The following SERGEF variants were observed in gnomAD, a reference collection of about 807,000 sequenced individuals.
SERGEF encodes the protein secretion regulating guanine nucleotide exchange factor.
In SERGEF, 51 loss-of-function variants were observed where a neutral mutation model predicts 50.0. The ratio of observed to expected loss-of-function variants is 1.02; its 90% CI spans 0.81 to 1.29. The LOEUF (loss-of-function observed/expected upper bound fraction) is 1.29, where lower values mean the gene tolerates loss of function less well. SERGEF is among the 50% of genes most tolerant of loss of function. SERGEF has a pLI of 0.00. For synonymous variants in SERGEF, 205 were observed against 212.4 expected, an observed-to-expected ratio of 0.97 and a Z score of 0.30; for missense variants, 521 against 557.0, an observed-to-expected ratio of 0.94 and a Z score of 0.65.
chr11:17,830,201 A>G lies in SERGEF; in HGVS notation c.1049-41788T>C, dbSNP rs150497161. 7.0e-3 allele frequency among the ~76,000 whole-genome samples: 1,068 copies of G among 152,342 alleles called. 11 individuals are homozygous for G. The highest frequency in any genetic ancestry group is 0.025 in the African/African-American group (1,027 of 41,582). On this transcript the variant is annotated intron_variant, in intron 10 of 10. Coordinates refer to ENST00000265965, the MANE Select transcript of SERGEF (RefSeq NM_012139.4). ...CCCTTAAGGTCAAGGACCACATCCT[A>G]TTTATATTCTCAGCCTGGCATAGTG...
intron 8 of SERGEF, among the ~76,000 whole-genome samples, chr11:17,984,456 A>G (rs1001545673): frequency 2.0e-5 from 3 of 152,222 alleles, no homozygotes; most frequent in African/African-American, 7.2e-5. Flanking sequence ...GACAGTACCA[A>G]GAAGAATGGT....
intron 1 of SERGEF, among the ~76,000 whole-genome samples, chr11:18,011,434 G>C (rs372093650): frequency 4.6e-5 from 7 of 152,170 alleles, no homozygotes; most frequent in East Asian, 1.9e-4. Flanking sequence ...GTGAGAAGGC[G>C]GCCATCTGCA....
intron 8 of SERGEF, among the ~76,000 whole-genome samples, chr11:17,981,605 T>A (rs1408560787): frequency 6.6e-6 from 1 of 152,186 alleles, no homozygotes; most frequent in Non-Finnish European, 1.5e-5. Context: ...GAAAGTACTT[T>A]ATAGTAATAA....
chr11:17,823,601 C>T (rs112828441), intron 10 of SERGEF, among the ~76,000 whole-genome samples: 39 of 152,156 alleles, frequency 2.6e-4, no homozygotes, highest in African/African-American at 8.7e-4. Flanking sequence ...GAAGAGAAGG[C>T]GGGGAGGGTG....
chr11:17,916,717 A>T (rs76751030), intron 9 of SERGEF, among the ~76,000 whole-genome samples: 1 of 152,242 alleles, frequency 6.6e-6, no homozygotes, highest in Non-Finnish European at 1.5e-5. Context: ...ATAATTAATA[A>T]GACATTCCAA....
chr11:17,871,980 C>T (rs1246153366), intron 10 of SERGEF, among the ~76,000 whole-genome samples: 4 of 152,234 alleles, frequency 2.6e-5, no homozygotes, highest in South Asian at 4.1e-4. Context: ...TAAGAATGTA[C>T]GTAGCATCCC....
At position 17,838,267 on chromosome 11, in the gene SERGEF, GTGCAGCATGCCAGGGAAGGA is replaced by G. The variant is rs575251201; in HGVS notation, c.1048+39921_1048+39940del. Among the ~76,000 whole-genome samples the G allele has an allele frequency of 9.2e-5, 14 of 152,340 alleles. 1 individual carries two copies. The South Asian group carries it at 2.7e-3, about 29-fold the overall frequency. ...CACAGCCCTGGGGCAAATGTCAGGG[GTGCAGCATGCCAGGGAAGGA>G]TGATGTTTCCTGAACTGGCATAAAA... is the stretch of plus-strand genomic sequence containing the variant. On this transcript the variant is annotated intron_variant, in intron 10 of 10. Transcript: ENST00000265965.
chr11:17,944,550 A>G (rs141814709), intron 9 of SERGEF, among the ~76,000 whole-genome samples: 333 of 152,324 alleles, frequency 2.2e-3, no homozygotes, highest in Middle Eastern at 0.01. Flanking sequence ...ACACTTGTGA[A>G]GAATGTGCCT....
intron 9 of SERGEF, among the ~76,000 whole-genome samples, chr11:17,901,388 A>C (rs944527540): frequency 6.6e-6 from 1 of 152,190 alleles, no homozygotes; most frequent in African/African-American, 2.4e-5. Context: ...AAACCTGCTA[A>C]TGGCTCCCCT....
chr11:17,824,024 G>A (rs1056777615), intron 10 of SERGEF, among the ~76,000 whole-genome samples: 4 of 152,082 alleles, frequency 2.6e-5, no homozygotes, highest in Admixed American at 6.5e-5. Context: ...CTTTTTGGCC[G>A]GGCGCGGTGG....
chr11:18,004,492 C>G lies in SERGEF; in HGVS notation c.396G>C (p.Gln132His). The G allele has an allele frequency of 6.2e-7, 1 of 1,613,938 alleles. No homozygotes were observed. Among genetic ancestry groups the G allele is most frequent in the African/African-American group, 1.3e-5 (1 of 75,062 alleles). The change falls in exon 4 of 11, where the codon CAG becomes CAC. Residue 132 changes from glutamine to histidine, a missense_variant. Gln to His is a conservative substitution (Grantham distance 24, BLOSUM62 0). Coordinates refer to ENST00000265965, the MANE Select transcript of SERGEF (RefSeq NM_012139.4). ...TTCGAGGTCCATGAGGAACTCCTAACTGGCCAAAGGAGTTGGATCCACATG... is the reference window on the plus strand; with the variant it reads ...TTCGAGGTCCATGAGGAACTCCTAAGTGGCCAAAGGAGTTGGATCCACATG... ...VLSCGSNSFG[Q>H]LGVPHGPRRC... is the part of the protein sequence containing the mutation.
intron 9 of SERGEF, among the ~76,000 whole-genome samples, chr11:17,879,786 C>A (rs1365862575): frequency 6.6e-6 from 1 of 152,096 alleles, no homozygotes; most frequent in Non-Finnish European, 1.5e-5. Context: ...GCCAGTTTAG[C>A]CATTCCACCA....
At chr11:17,944,645 C>T (rs150805667) in intron 9 of SERGEF, among the ~76,000 whole-genome samples, 1 of 152,074 alleles carries the variant, frequency 6.6e-6, no homozygotes, top group Admixed American at 6.6e-5. Flanking sequence ...GAGGACTGGT[C>T]TGATAGAAAC....
At chr11:17,960,429 T>C (rs1425748912) in intron 8 of SERGEF, among the ~76,000 whole-genome samples, 1 of 152,228 alleles carries the variant, frequency 6.6e-6, no homozygotes, top group Non-Finnish European at 1.5e-5. Flanking sequence ...AGTGCCACAT[T>C]TGTTATTTCA....
In SERGEF at chr11:17,884,453, G is replaced by A. The variant is rs1009475675; in HGVS notation, c.1012-6209C>T. ...CTTTGCTAGAGCTCTGCCCAAACCC[G>A]GTTTCCATCCGTGTATCTCTGGGGT... is the stretch of plus-strand genomic sequence containing the variant. On this transcript the variant is annotated intron_variant, in intron 9 of 10. Coordinates refer to ENST00000265965, the MANE Select transcript of SERGEF (RefSeq NM_012139.4). This position sits in a 1 kb window ranked among gnomAD's most constrained non-coding sequence, Gnocchi z 4.6. Among the ~76,000 whole-genome samples the A allele has an allele frequency of 7.2e-5, 11 of 152,146 alleles. No homozygotes were observed. The highest frequency in any genetic ancestry group is 2.4e-4 in the African/African-American group (10 of 41,426).
intron 10 of SERGEF, among the ~76,000 whole-genome samples, chr11:17,809,732 G>A (rs946383484): frequency 2.6e-5 from 4 of 151,808 alleles, no homozygotes; most frequent in African/African-American, 4.9e-5. Context: ...TGAAGCTGTG[G>A]GTACAGAGGG....
intron 10 of SERGEF, among the ~76,000 whole-genome samples, chr11:17,832,363 T>C (rs1850324072): frequency 6.6e-6 from 1 of 152,234 alleles, no homozygotes; most frequent in Non-Finnish European, 1.5e-5. Context: ...TGCTCATCCT[T>C]GCCTTCCGCC....
chr11:17,803,316 C>A (rs1458404594), intron 10 of SERGEF, among the ~76,000 whole-genome samples: 1 of 152,220 alleles, frequency 6.6e-6, no homozygotes, highest in Non-Finnish European at 1.5e-5. Flanking sequence ...TCCATCCCAG[C>A]CCTTCAAATG....
At chr11:17,961,438 C>CCGTT (rs1270347134) in intron 8 of SERGEF, among the ~76,000 whole-genome samples, 1 of 152,136 alleles carries the variant, frequency 6.6e-6, no homozygotes, top group Non-Finnish European at 1.5e-5. Flanking sequence ...GCTTAAATGA[C>CCGTT]CGTTCCTCTG....
Sources: gnomAD v4.1 joint callset for allele counts (sites outside exome capture counted in the v4.1 genomes callset) on GRCh38, gnomAD v4.1.1 for gene constraint, Gnocchi (gnomAD v3.1) non-coding constraint, MANE v1.5 for transcripts, NCBI Gene and HGNC (gene_info 2026-07-23, HGNC 2026-07-21) for gene names.